Variants in ZMYM2 observed in about 807,000 individuals in gnomAD.
ZMYM2 encodes zinc finger MYM-type containing 2, also known as zinc finger MYM-type protein 2.
A neutral mutation model predicts 162.8 loss-of-function variants in ZMYM2; 56 were observed. That is an observed-to-expected ratio of 0.34 (90% confidence interval 0.28 to 0.43). The LOEUF (loss-of-function observed/expected upper bound fraction) is 0.43, where lower values mean the gene tolerates loss of function less well. Ranked by LOEUF, ZMYM2 falls within the 20% of genes least tolerant of loss-of-function variation. The pLI, the probability that ZMYM2 is intolerant of heterozygous loss-of-function variation, is 1.00. For missense variants in ZMYM2, 1,275 were observed against 1,621.8 expected (o/e 0.79, Z 3.67); for synonymous variants, 510 against 541.6 (o/e 0.94, Z 0.81).
chr13:20,008,341 T>C (rs920366284), intron 6 of ZMYM2, among the ~76,000 whole-genome samples: 1 of 152,030 alleles, frequency 6.6e-6, no homozygotes, highest in Admixed American at 6.5e-5. Flanking sequence ...ATGTTGTCCA[T>C]GCTGGTCTCA....
At chr13:20,051,667 G>A (rs1955360683) in intron 13 of ZMYM2, 69 bp downstream of exon 13, 2 of 1,435,610 alleles carry the variant, frequency 1.4e-6, no homozygotes, top group East Asian at 4.9e-5. Context: ...TGAATCCAAA[G>A]CACTGATAAT....
At chr13:19,934,401 G>T in the ZMYM2 span, among the ~76,000 whole-genome samples, 1 of 151,982 alleles carries the variant, frequency 6.6e-6, no homozygotes, top group African/African-American at 2.4e-5. Context: ...CTTGTGATTT[G>T]CCCACCTCGG....
At chr13:19,880,470 C>G in the ZMYM2 span, among the ~76,000 whole-genome samples, 1 of 151,920 alleles carries the variant, frequency 6.6e-6, no homozygotes, top group Non-Finnish European at 1.5e-5. Flanking sequence ...ACTCTGTCAC[C>G]CAGGCAGAAG....
In ZMYM2 at chr13:20,088,749, A is replaced by G. The variant is rs952256410; in HGVS notation, c.*2735A>G. On this transcript the variant is annotated 3_prime_UTR_variant, in exon 25 of 25. Coordinates refer to ENST00000610343, the MANE Select transcript of ZMYM2 (RefSeq NM_197968.4). ...AGGATGCATATTGTACTATGCATTC[A>G]AATTTATCACTGTTTTTTCTGACAG... 9.7e-5 allele frequency: 19 copies of G among 195,674 alleles called. No homozygotes were observed. Among genetic ancestry groups the G allele is most frequent in the African/African-American group, 4.4e-4 (19 of 43,258 alleles). 12.1% of individuals were successfully genotyped at this position (195,674 alleles called of 1,614,324 possible).
At chr13:19,995,439 C>T (rs1345441231) in intron 3 of ZMYM2, among the ~76,000 whole-genome samples, 1 of 152,132 alleles carries the variant, frequency 6.6e-6, no homozygotes, top group Non-Finnish European at 1.5e-5. Flanking sequence ...TTGACAGAGT[C>T]TTGCTGTATC....
At chr13:20,074,196 TTGTGTGTGTGTGTGTGTGTG>T (rs59855358) in intron 21 of ZMYM2, among the ~76,000 whole-genome samples, 4 of 141,498 alleles carry the variant, frequency 2.8e-5, no homozygotes, top group Non-Finnish European at 6.1e-5. Context: ...ATGTCAGAAT[TTGTGTGTGTGTGTGTGTGTG>T]TGTGTGTGTG....
At chr13:19,930,602 A>G in the ZMYM2 span, among the ~76,000 whole-genome samples, 2 of 150,188 alleles carry the variant, frequency 1.3e-5, no homozygotes, top group African/African-American at 4.9e-5. Flanking sequence ...CAGTGGCGCG[A>G]TCTTGGCTCA....
the ZMYM2 span, among the ~76,000 whole-genome samples, chr13:19,900,994 T>G: frequency 0.94 from 142,389 of 152,202 alleles, 67,375 homozygotes; most frequent in East Asian, 1. Flanking sequence ...ACAGATAAAT[T>G]GGTCTTGGTT....
chr13:19,898,963 G>A, the ZMYM2 span, among the ~76,000 whole-genome samples: 502 of 134,316 alleles, frequency 3.7e-3, 1 homozygote, highest in South Asian at 0.028. Context: ...TTTTTAGACA[G>A]AGTCTCACTC....
intron 14 of ZMYM2, among the ~76,000 whole-genome samples, chr13:20,052,969 G>A (rs1955497072): frequency 6.6e-6 from 1 of 152,206 alleles, no homozygotes; most frequent in South Asian, 2.1e-4. Context: ...GAAATACACA[G>A]TGTGTCCTGG....
the ZMYM2 span, among the ~76,000 whole-genome samples, chr13:19,947,466 T>TC: frequency 8.5e-6 from 1 of 118,264 alleles, no homozygotes; most frequent in African/African-American, 2.9e-5. Flanking sequence ...TTTTTTTTTT[T>TC]CTTTTTTCCT....
intron 17 of ZMYM2, among the ~76,000 whole-genome samples, chr13:20,061,573 T>C (rs1296538742): frequency 6.6e-6 from 1 of 151,958 alleles, no homozygotes; most frequent in African/African-American, 2.4e-5. Flanking sequence ...GTAATAGTTA[T>C]CCCTAGTTTT....
chr13:20,051,750 A>G (rs967728699), intron 13 of ZMYM2, among the ~76,000 whole-genome samples, 152 bp downstream of exon 13: 2 of 152,138 alleles, frequency 1.3e-5, no homozygotes, highest in African/African-American at 4.8e-5. Flanking sequence ...GTACCCTTGT[A>G]TGTTGTTTTT....
chr13:20,078,537 A>G (rs1957678187), intron 21 of ZMYM2, among the ~76,000 whole-genome samples: 1 of 152,010 alleles, frequency 6.6e-6, no homozygotes, highest in South Asian at 2.1e-4. Context: ...ATGCTTTTCA[A>G]CTCTCTGTTA....
At chr13:20,053,819 A>AC (rs920498428) in intron 14 of ZMYM2, among the ~76,000 whole-genome samples, 2 of 151,940 alleles carry the variant, frequency 1.3e-5, no homozygotes, top group South Asian at 4.2e-4. Flanking sequence ...CTTTTTCCAT[A>AC]CCCCCCCTTA....
intron 21 of ZMYM2, among the ~76,000 whole-genome samples, chr13:20,080,982 G>C (rs1175326944): frequency 6.6e-6 from 1 of 152,184 alleles, no homozygotes; most frequent in Non-Finnish European, 1.5e-5. Flanking sequence ...ATAAAAATAG[G>C]CATGGGCCAG....
chr13:20,074,697 C>T (rs1235997703), intron 21 of ZMYM2, among the ~76,000 whole-genome samples: 4 of 152,116 alleles, frequency 2.6e-5, no homozygotes, highest in South Asian at 4.1e-4. Flanking sequence ...TGCAACCACG[C>T]CCGGCTAATT....
In ZMYM2 at chr13:20,062,947, G is replaced by C; in HGVS notation, c.3013G>C (p.Asp1005His). ...MPDVPYEPDL[D>H]IEIDFPRAAE... ...TGATGTACCATATGAACCAGATTTGGATATCGAAATAGATTTTCCCAGAGG... is the reference window on the plus strand; with the variant it reads ...TGATGTACCATATGAACCAGATTTGCATATCGAAATAGATTTTCCCAGAGG... Residue 1005 changes from aspartate to histidine, a missense_variant, in exon 18 of 25, where the codon GAT (aspartate) becomes CAT (histidine). Asp to His is a moderately conservative substitution (Grantham distance 81). Transcript: ENST00000610343. 6.2e-7 allele frequency: 1 copy of C among 1,602,900 alleles called. No homozygotes were observed. Among genetic ancestry groups the C allele is most frequent in the Admixed American group, 1.7e-5 (1 of 58,318 alleles).
chr13:19,927,183 T>C, the ZMYM2 span, among the ~76,000 whole-genome samples: 1 of 152,084 alleles, frequency 6.6e-6, no homozygotes, highest in African/African-American at 2.4e-5. Flanking sequence ...TAACATGTAT[T>C]TGTTATTAAA....
Sources: allele counts gnomAD v4.1 joint callset (sites outside exome capture counted in the v4.1 genomes callset), GRCh38; gene constraint gnomAD v4.1.1; transcripts MANE v1.5; gene names NCBI Gene and HGNC (gene_info 2026-07-23, HGNC 2026-07-21).